SH3GL3: variants seen among roughly 807,000 people sequenced by gnomAD.
The protein encoded by SH3GL3 is SH3 domain containing GRB2 like 3, endophilin A3.
Under a neutral mutation model 47.7 loss-of-function variants are expected in SH3GL3, and 33 were observed. The ratio of observed to expected loss-of-function variants is 0.69; its 90% CI spans 0.52 to 0.92. The LOEUF (loss-of-function observed/expected upper bound fraction) is 0.92. Ranked by LOEUF, SH3GL3 falls within the 40% of genes least tolerant of loss-of-function variation. The probability of loss-of-function intolerance (pLI) is 0.00; values close to 1 mark genes in which losing one functional copy is unlikely to be tolerated. For synonymous variants in SH3GL3, 155 were observed against 148.8 expected (o/e 1.04, Z -0.30); for missense variants, 363 against 417.8 (o/e 0.87, Z 1.14).
chr15:83,450,804 A>AATTTTT (rs59484427), intron 1 of SH3GL3, among the ~76,000 whole-genome samples: 1 of 58,790 alleles, frequency 1.7e-5, no homozygotes, highest in Non-Finnish European at 2.9e-5. Context: ...TTTTTTTTTA[A>AATTTTT]TTTTTTTTTT....
chr15:83,609,124 G>A (rs371327064), intron 8 of SH3GL3: 16 of 372,394 alleles, frequency 4.3e-5, no homozygotes, highest in Non-Finnish European at 7.2e-5. Context: ...TGACGAGTGC[G>A]GATTCTCATT....
intron 1 of SH3GL3, among the ~76,000 whole-genome samples, chr15:83,556,278 A>G (rs1250549582): frequency 1.3e-5 from 2 of 152,224 alleles, no homozygotes; most frequent in Non-Finnish European, 2.9e-5. Context: ...TCTGAAATAT[A>G]ATTACGTGGC....
intron 1 of SH3GL3, among the ~76,000 whole-genome samples, chr15:83,541,855 T>C (rs1314824012): frequency 6.6e-6 from 1 of 152,242 alleles, no homozygotes; most frequent in African/African-American, 2.4e-5. Context: ...CCTTTTATTC[T>C]GGTTATTAAT....
At chr15:83,526,485 T>TA (rs1011070658) in intron 1 of SH3GL3, among the ~76,000 whole-genome samples, 3 of 152,214 alleles carry the variant, frequency 2.0e-5, no homozygotes, top group Admixed American at 6.5e-5. Flanking sequence ...AATGCAGCCT[T>TA]AAAAAAGAGT....
At chr15:83,612,125 A>C (rs1368298187) in intron 8 of SH3GL3, among the ~76,000 whole-genome samples, 1 of 152,278 alleles carries the variant, frequency 6.6e-6, no homozygotes, top group East Asian at 1.9e-4. Flanking sequence ...AGCATAGACT[A>C]TCCGTTTATG....
At chr15:83,616,986 A>G (rs928724844) in intron 8 of SH3GL3, among the ~76,000 whole-genome samples, 2 of 152,192 alleles carry the variant, frequency 1.3e-5, no homozygotes, top group Admixed American at 1.3e-4. Context: ...TACAAGAAGA[A>G]TCTTTTATGA....
At chr15:83,531,454 T>C (rs1291476781) in intron 1 of SH3GL3, among the ~76,000 whole-genome samples, 1 of 152,014 alleles carries the variant, frequency 6.6e-6, no homozygotes, top group Non-Finnish European at 1.5e-5. Flanking sequence ...AGGAACAGGG[T>C]GATTCTGAGT....
At chr15:83,470,245 G>A (rs1217708566) in intron 1 of SH3GL3, among the ~76,000 whole-genome samples, 1 of 151,896 alleles carries the variant, frequency 6.6e-6, no homozygotes, top group African/African-American at 2.4e-5. Context: ...GTTTTTTTGA[G>A]ATGGAGTCTC....
chr15:83,601,817 A>G (rs1159125179), intron 8 of SH3GL3, among the ~76,000 whole-genome samples: 4 of 149,430 alleles, frequency 2.7e-5, no homozygotes, highest in African/African-American at 7.4e-5. Context: ...CTGTGAATCC[A>G]TGTGGTCCTG....
intron 2 of SH3GL3, among the ~76,000 whole-genome samples, chr15:83,563,130 G>A (rs1297278823): frequency 6.6e-6 from 1 of 152,124 alleles, no homozygotes. Context: ...GACCCTGGCA[G>A]GATCATAGTT....
At chr15:83,590,881 T>A (rs2060076846) in intron 8 of SH3GL3, among the ~76,000 whole-genome samples, 1 of 152,264 alleles carries the variant, frequency 6.6e-6, no homozygotes, top group Non-Finnish European at 1.5e-5. Flanking sequence ...CTTTTAATCC[T>A]CTTAATAGGG....
At chr15:83,544,187 A>G (rs1470167358) in intron 1 of SH3GL3, among the ~76,000 whole-genome samples, 3 of 152,004 alleles carry the variant, frequency 2.0e-5, no homozygotes, top group Admixed American at 1.3e-4. Context: ...GCTGTATCCC[A>G]TAGGTTTTCG....
At chr15:83,598,788 C>T (rs182357238) in intron 8 of SH3GL3, among the ~76,000 whole-genome samples, 65 of 152,114 alleles carry the variant, frequency 4.3e-4, no homozygotes, top group African/African-American at 1.5e-3. Flanking sequence ...GAGGAGAGGC[C>T]TCCGGTTAAA....
chr15:83,618,301 A>G lies in SH3GL3; in HGVS notation c.*14A>G. The G allele has an allele frequency of 1.3e-6, 2 of 1,501,576 alleles. No homozygotes were observed. The highest frequency in any genetic ancestry group is 2.3e-5 in the South Asian group (2 of 88,738). The allele number at this position is 1,501,576 out of a possible 1,614,324, so 93.0% of individuals were successfully genotyped here. Reference sequence around the variant, plus strand: ...TTACCTCAGTAAATGTGTAACACAAACTCTGGACATACTTTCGTAACTGAA... The same window carrying G: ...TTACCTCAGTAAATGTGTAACACAAGCTCTGGACATACTTTCGTAACTGAA... On this transcript the variant is annotated 3_prime_UTR_variant, in exon 9 of 9. Transcript: ENST00000427482.
intron 1 of SH3GL3, chr15:83,487,911 C>T (rs897449952): frequency 1.4e-5 from 2 of 142,956 alleles, no homozygotes; most frequent in Non-Finnish European, 3.0e-5. Flanking sequence ...GAGTCTTGCT[C>T]TGTCGCCTGG....
chr15:83,447,623 C>T lies in SH3GL3; in HGVS notation c.45+45C>T. Reference sequence around the variant, plus strand: ...GGAAGGAGGGAGGGGGACGCGGAGGCTGCGGCCCCCCGAGGCTCCCGGGCC... The same window carrying T: ...GGAAGGAGGGAGGGGGACGCGGAGGTTGCGGCCCCCCGAGGCTCCCGGGCC... On this transcript the variant is annotated intron_variant, in intron 1 of 8. Transcript: ENST00000427482. This position sits in a 1 kb window ranked among gnomAD's most constrained non-coding sequence, Gnocchi z 5.1. 1 of 1,389,544 alleles carries T rather than the reference C, an allele frequency of 7.2e-7. No homozygotes were observed. The highest frequency in any genetic ancestry group is 9.6e-7 in the Non-Finnish European group (1 of 1,036,530). 86.1% of individuals were successfully genotyped at this position (1,389,544 alleles called of 1,614,324 possible).
intron 1 of SH3GL3, among the ~76,000 whole-genome samples, chr15:83,460,056 GCCTC>G (rs764377371): frequency 0.019 from 771 of 41,144 alleles, 6 homozygotes; most frequent in Middle Eastern, 0.089. Context: ...CTCCCTCCCT[GCCTC>G]CCTCCCTCCC....
intron 5 of SH3GL3, 131 bp downstream of exon 5, chr15:83,572,829 T>G (rs904123717): frequency 1.4e-5 from 9 of 644,906 alleles, no homozygotes; most frequent in African/African-American, 1.3e-4. Context: ...AATGACTCAG[T>G]TCTATTTTCC....
At chr15:83,584,170 A>G (rs1216438426) in intron 6 of SH3GL3, among the ~76,000 whole-genome samples, 2 of 152,168 alleles carry the variant, frequency 1.3e-5, no homozygotes, top group Admixed American at 1.3e-4. Flanking sequence ...GGCCACCTGC[A>G]TTTCTTGGCT....
Sources: gnomAD v4.1 joint callset for allele counts (sites outside exome capture counted in the v4.1 genomes callset) on GRCh38, gnomAD v4.1.1 for gene constraint, Gnocchi (gnomAD v3.1) non-coding constraint, MANE v1.5 for transcripts, NCBI Gene and HGNC (gene_info 2026-07-23, HGNC 2026-07-21) for gene names.